The following CTNNA2 variants were observed in gnomAD, a reference collection of about 807,000 sequenced individuals.
CTNNA2 encodes the protein catenin alpha-2.
Under a neutral mutation model 101.0 loss-of-function variants are expected in CTNNA2, and 42 were observed. The ratio of observed to expected loss-of-function variants is 0.42; its 90% confidence interval spans 0.32 to 0.54. CTNNA2 has a LOEUF of 0.54. Ranked by LOEUF, CTNNA2 falls within the 20% of genes least tolerant of loss-of-function variation. CTNNA2 has a pLI of 0.14. For missense variants in CTNNA2, 871 were observed against 1,223.1 expected, an observed-to-expected ratio of 0.71 and a Z score of 4.29; for synonymous variants, 450 against 456.4, an observed-to-expected ratio of 0.99 and a Z score of 0.18.
chr2:80,596,083 C>T (rs1455302041), intron 15 of CTNNA2, among the ~76,000 whole-genome samples: 2 of 151,806 alleles, frequency 1.3e-5, no homozygotes, highest in Non-Finnish European at 2.9e-5. Context: ...CTTCACATTA[C>T]TTATAAGTTG....
chr2:79,315,983 T>G (rs1573069360), intron 3 of CTNNA2, among the ~76,000 whole-genome samples: 1 of 152,080 alleles, frequency 6.6e-6, no homozygotes, highest in Non-Finnish European at 1.5e-5. Flanking sequence ...GGACAAAAGA[T>G]TTTAATTTTT....
chr2:80,621,774 A>G (rs1054244713), intron 18 of CTNNA2, among the ~76,000 whole-genome samples: 1 of 151,878 alleles, frequency 6.6e-6, no homozygotes, highest in African/African-American at 2.4e-5. Context: ...AAAAGTGTAA[A>G]GCCTTGCTCC....
intron 2 of CTNNA2, among the ~76,000 whole-genome samples, chr2:79,692,171 G>A (rs1684348681): frequency 6.6e-6 from 1 of 151,482 alleles, no homozygotes; most frequent in South Asian, 2.1e-4. Context: ...TTAAACAAAC[G>A]TACAAGAGAA....
At chr2:80,293,930 G>A (rs757372234) in intron 7 of CTNNA2, among the ~76,000 whole-genome samples, 10 of 151,926 alleles carry the variant, frequency 6.6e-5, no homozygotes, top group Non-Finnish European at 1.2e-4. Context: ...GAGGGGCAGT[G>A]GTGAAACTAT....
At chr2:80,146,713 T>TG in intron 7 of CTNNA2, among the ~76,000 whole-genome samples, 1 of 68,028 alleles carries the variant, frequency 1.5e-5, no homozygotes. Context: ...CCCTCTGGTT[T>TG]TTTTTTTTTT....
intron 3 of CTNNA2, among the ~76,000 whole-genome samples, chr2:79,783,221 C>A (rs1674587439): frequency 6.6e-6 from 1 of 152,074 alleles, no homozygotes; most frequent in Non-Finnish European, 1.5e-5. Context: ...CCAATGGTGG[C>A]CAGGGACAGA....
intron 15 of CTNNA2, among the ~76,000 whole-genome samples, chr2:80,593,257 G>A (rs1558624659): frequency 1.3e-5 from 2 of 152,108 alleles, no homozygotes; most frequent in Non-Finnish European, 2.9e-5. Flanking sequence ...AACCAACGTG[G>A]CCAGTCTTCT....
rs926717610 is a variant in CTNNA2, at chr2:80,620,373, T to C, written c.2574+1145T>C. Among the ~76,000 whole-genome samples the C allele has an allele frequency of 1.6e-4, 25 of 151,874 alleles. 1 individual carries two copies. The highest frequency in any genetic ancestry group is 7.4e-5 in the Non-Finnish European group (5 of 67,912). ...TGTCTCATCAACGGCTTCTTTGTTA[T>C]GCATAAATCCCTGACCCCCAAAGTT... On this transcript the variant is annotated intron_variant, in intron 18 of 18. Coordinates refer to ENST00000402739, the MANE Select transcript of CTNNA2 (RefSeq NM_001282597.3).
intron 3 of CTNNA2, among the ~76,000 whole-genome samples, chr2:79,753,595 C>G (rs1672190118): frequency 6.6e-6 from 1 of 152,162 alleles, no homozygotes; most frequent in East Asian, 1.9e-4. Context: ...ATCCAAACAG[C>G]TAAGATATGA....
chr2:79,338,645 A>ATTCTTCTTCTT lies in CTNNA2; in HGVS notation c.-318+25849_-318+25850insTTCTTCTTCTT, dbSNP rs1467280230. 2.0e-3 allele frequency among the ~76,000 whole-genome samples: 109 copies of ATTCTTCTTCTT among 53,950 alleles called. 1 individual carries two copies. Among genetic ancestry groups the ATTCTTCTTCTT allele is most frequent in the Middle Eastern group, 0.011 (1 of 94 alleles). The allele number at this position is 53,950 out of a possible 152,430, so 35.4% of individuals were successfully genotyped here. A position where few individuals can be genotyped will look rare whatever the true frequency, so the allele number is the denominator to read the frequency against. On this transcript the variant is annotated intron_variant, in intron 3 of 21. Transcript: ENST00000466387. ...TTCTTCTTCTTCTTCTTCTTCTTCA[A>ATTCTTCTTCTT]AGATTCCTCTGGCTGCTCTGGATTA...
At chr2:79,393,241 C>A (rs994931844) in intron 4 of CTNNA2, among the ~76,000 whole-genome samples, 1 of 152,174 alleles carries the variant, frequency 6.6e-6, no homozygotes, top group African/African-American at 2.4e-5. Context: ...CAGGTAGCAG[C>A]ATCAATATCA....
At chr2:80,208,430 T>G (rs1707667710) in intron 7 of CTNNA2, among the ~76,000 whole-genome samples, 1 of 152,206 alleles carries the variant, frequency 6.6e-6, no homozygotes, top group Admixed American at 6.5e-5. Flanking sequence ...CTTACTATAC[T>G]GCTAACAATT....
At chr2:79,321,549 GT>G (rs1417924190) in intron 3 of CTNNA2, among the ~76,000 whole-genome samples, 2 of 152,206 alleles carry the variant, frequency 1.3e-5, no homozygotes, top group African/African-American at 4.8e-5. Context: ...TTTGCTGAGT[GT>G]CTGATGAGTG....
chr2:80,513,491 T>C (rs1688872221), intron 9 of CTNNA2, among the ~76,000 whole-genome samples: 1 of 152,240 alleles, frequency 6.6e-6, no homozygotes, highest in African/African-American at 2.4e-5. Context: ...TTTCTTCACT[T>C]TCCTCAAGAG....
At position 80,393,264 on chromosome 2, in the gene CTNNA2, T is replaced by C. The variant is rs774544806; in HGVS notation, c.1110T>C (p.Thr370=). The C allele has an allele frequency of 9.3e-6, 15 of 1,611,420 alleles. No individual in the cohort carries two copies. The South Asian group carries it at 1.7e-4, about 18-fold the overall frequency. The part of the protein sequence containing the change: ...DPLNIAIDKM[T]KKTRDLRRQL... The stretch of plus-strand genomic sequence containing the variant: ...TCAACATTGCGATTGATAAGATGAC[T>C]AAGAAAACAAGAGATCTAAGGAGAC... Residue 370 remains threonine, a synonymous_variant, in exon 8 of 19, where the codon ACT becomes ACC. Coordinates refer to ENST00000402739, the MANE Select transcript of CTNNA2 (RefSeq NM_001282597.3).
chr2:79,735,609 G>A (rs368368284), intron 2 of CTNNA2, among the ~76,000 whole-genome samples: 1 of 152,116 alleles, frequency 6.6e-6, no homozygotes, highest in South Asian at 2.1e-4. Context: ...TGAGTTACAA[G>A]GCTTGCCTCA....
At chr2:79,999,460 A>G (rs1443964993) in intron 7 of CTNNA2, among the ~76,000 whole-genome samples, 1 of 152,172 alleles carries the variant, frequency 6.6e-6, no homozygotes, top group Non-Finnish European at 1.5e-5. Flanking sequence ...TTCCTTCCAC[A>G]GTTGGGCCCT....
chr2:79,306,781 T>A (rs1242581310), intron 2 of CTNNA2, among the ~76,000 whole-genome samples: 1 of 152,248 alleles, frequency 6.6e-6, no homozygotes, highest in Non-Finnish European at 1.5e-5. Context: ...CACCAGAACC[T>A]GTTTTCATCT....
At chr2:80,415,429 T>C (rs1457249295) in intron 8 of CTNNA2, among the ~76,000 whole-genome samples, 1 of 152,206 alleles carries the variant, frequency 6.6e-6, no homozygotes, top group Non-Finnish European at 1.5e-5. Flanking sequence ...TTTCTTTTTT[T>C]GTAGTGTAAA....
Sources: allele counts gnomAD v4.1 joint callset (sites outside exome capture counted in the v4.1 genomes callset), GRCh38; gene constraint gnomAD v4.1.1; transcripts MANE v1.5; gene names NCBI Gene and HGNC (gene_info 2026-07-23, HGNC 2026-07-21).